Variants in MAD1L1 observed in about 807,000 individuals in gnomAD.
The protein encoded by MAD1L1 is mitotic spindle assembly checkpoint protein MAD1.
Under a neutral mutation model 96.9 loss-of-function variants are expected in MAD1L1, and 95 were observed. The observed-to-expected ratio is 0.98, with a 90% CI of 0.83 to 1.16. The LOEUF is 1.16. MAD1L1 is among the 50% of genes most tolerant of loss of function. The pLI is 0.00. For missense variants in MAD1L1, 1,007 were observed against 954.4 expected (o/e 1.06, Z -0.73); for synonymous variants, 473 against 396.6 (o/e 1.19, Z -2.29).
At chr7:1,838,862 C>G in intron 18 of MAD1L1, 1 of 471,392 alleles carries the variant, frequency 2.1e-6, no homozygotes, top group South Asian at 1.5e-5. Context: ...GAAGGTATGA[C>G]TGACAGGTAA....
chr7:1,904,223 A>G (rs1245998767), intron 17 of MAD1L1, among the ~76,000 whole-genome samples: 1 of 147,396 alleles, frequency 6.8e-6, no homozygotes, highest in Non-Finnish European at 1.5e-5. Flanking sequence ...GCAGTGGCCT[A>G]TTGAAGAAGC....
At chr7:1,926,717 G>A (rs1789111374) in intron 17 of MAD1L1, among the ~76,000 whole-genome samples, 1 of 152,170 alleles carries the variant, frequency 6.6e-6, no homozygotes, top group Non-Finnish European at 1.5e-5. Flanking sequence ...AACTAAGAAT[G>A]GAAAGAGCGT....
chr7:2,055,599 T>C (rs1009727471), intron 12 of MAD1L1, among the ~76,000 whole-genome samples: 7 of 140,016 alleles, frequency 5.0e-5, no homozygotes, highest in Admixed American at 4.3e-4. Context: ...GAGCCTGCGA[T>C]GTCGAGGCTG....
intron 18 of MAD1L1, among the ~76,000 whole-genome samples, chr7:1,840,921 C>T (rs370640052): frequency 2.6e-5 from 4 of 152,238 alleles, no homozygotes; most frequent in Admixed American, 6.5e-5. Flanking sequence ...CGAGAGGCCA[C>T]GCAGGCCAAG....
At chr7:1,955,981 T>C (rs1303898018) in intron 16 of MAD1L1, among the ~76,000 whole-genome samples, 1 of 1,930 alleles carries the variant, frequency 5.2e-4, no homozygotes. Flanking sequence ...GCAAGTAAGG[T>C]GGGTGGGGGG....
At chr7:1,895,028 G>C (rs1404804229) in intron 18 of MAD1L1, among the ~76,000 whole-genome samples, 2 of 152,148 alleles carry the variant, frequency 1.3e-5, no homozygotes, top group African/African-American at 2.4e-5. Context: ...ACACAAGGTG[G>C]CACGTGTCCT....
intron 18 of MAD1L1, among the ~76,000 whole-genome samples, chr7:1,836,108 G>A (rs1380166445): frequency 3.3e-5 from 5 of 152,060 alleles, no homozygotes; most frequent in African/African-American, 4.8e-5. Flanking sequence ...CACAACCTCC[G>A]CCTCCTGGGT....
At chr7:2,232,780 A>T (rs1794277830) in intron 1 of MAD1L1, 92 bp downstream of exon 1, 1 of 151,652 alleles carries the variant, frequency 6.6e-6, no homozygotes, top group Non-Finnish European at 1.5e-5. Flanking sequence ...CCTGGCGAGC[A>T]CACCCGGTCC....
chr7:2,146,312 G>A lies in MAD1L1; in HGVS notation c.1073+2840C>T, dbSNP rs1462744890. On this transcript the variant is annotated intron_variant, in intron 11 of 18. Coordinates refer to ENST00000265854, the MANE Select transcript of MAD1L1 (RefSeq NM_001013836.2). This position sits in a 1 kb window ranked among gnomAD's most constrained non-coding sequence, Gnocchi z 6.2. ...TCGATGAGGGAGCACCGGGCACTGG[G>A]CTACGAGGAACAGGGCACCGCCTCG... Among the ~76,000 whole-genome samples the A allele has an allele frequency of 6.6e-6, 1 of 151,682 alleles. No individual in the cohort carries two copies. Among genetic ancestry groups the A allele is most frequent in the African/African-American group, 2.4e-5 (1 of 41,174 alleles).
chr7:1,988,303 G>A (rs1781253499), intron 14 of MAD1L1, among the ~76,000 whole-genome samples: 1 of 152,182 alleles, frequency 6.6e-6, no homozygotes, highest in Non-Finnish European at 1.5e-5. Context: ...GCTGCATCAG[G>A]CAGCGCACAC....
At chr7:1,818,684 G>C (rs1781959133) in intron 18 of MAD1L1, among the ~76,000 whole-genome samples, 1 of 152,076 alleles carries the variant, frequency 6.6e-6, no homozygotes, top group Admixed American at 6.6e-5. Context: ...AGGATTACAG[G>C]CGTGAGCTCT....
At chr7:1,888,700 CGT>C (rs1186408183) in intron 18 of MAD1L1, among the ~76,000 whole-genome samples, 1 of 147,862 alleles carries the variant, frequency 6.8e-6, no homozygotes, top group Non-Finnish European at 1.5e-5. Context: ...GCGTGTGTGT[CGT>C]GTGTGGCTGC....
chr7:2,134,492 T>C (rs981995439), intron 11 of MAD1L1, among the ~76,000 whole-genome samples: 5 of 152,224 alleles, frequency 3.3e-5, no homozygotes, highest in Admixed American at 2.0e-4. Context: ...CTATAGCTAG[T>C]ACTTCCAGTA....
intron 11 of MAD1L1, among the ~76,000 whole-genome samples, chr7:2,127,513 A>T (rs867621614): frequency 1.3e-5 from 2 of 152,132 alleles, no homozygotes; most frequent in African/African-American, 4.8e-5. Context: ...GGGCCCGACC[A>T]CACCGACCGG....
intron 16 of MAD1L1, among the ~76,000 whole-genome samples, chr7:1,939,297 C>T (rs553373476): frequency 3.4e-5 from 5 of 148,498 alleles, no homozygotes; most frequent in East Asian, 4.1e-4. Flanking sequence ...CCGGGGCCAG[C>T]GGTGCACGCA....
intron 11 of MAD1L1, among the ~76,000 whole-genome samples, chr7:2,079,217 G>A (rs1785518622): frequency 1.3e-5 from 2 of 152,226 alleles, no homozygotes; most frequent in Admixed American, 1.3e-4. Context: ...TCCCTGGGGG[G>A]CAGGTTCAGA....
At chr7:1,958,804 C>T (rs976236153) in intron 15 of MAD1L1, among the ~76,000 whole-genome samples, 1 of 152,184 alleles carries the variant, frequency 6.6e-6, no homozygotes, top group Admixed American at 6.5e-5. Flanking sequence ...GTTAAAACTA[C>T]TGGAAAAATG....
At chr7:2,192,297 A>G (rs892402774) in intron 10 of MAD1L1, among the ~76,000 whole-genome samples, 4 of 151,870 alleles carry the variant, frequency 2.6e-5, no homozygotes, top group Non-Finnish European at 5.9e-5. Flanking sequence ...CGCCCAGCTA[A>G]TTTTTGTTAT....
At chr7:2,115,565 C>T (rs574849056) in intron 11 of MAD1L1, among the ~76,000 whole-genome samples, 15 of 151,590 alleles carry the variant, frequency 9.9e-5, no homozygotes, top group East Asian at 1.9e-4. Context: ...ACAGGGTCCC[C>T]GTGTGTTCCG....
Sources: gnomAD v4.1 joint callset for allele counts (sites outside exome capture counted in the v4.1 genomes callset) on GRCh38, gnomAD v4.1.1 for gene constraint, Gnocchi (gnomAD v3.1) non-coding constraint, MANE v1.5 for transcripts, NCBI Gene and HGNC (gene_info 2026-07-23, HGNC 2026-07-21) for gene names.